Variants in SIMC1 observed in about 807,000 individuals in gnomAD.
The protein encoded by SIMC1 is SUMO-interacting motif-containing protein 1.
SIMC1 carries 55 observed loss-of-function variants against 82.3 expected under a neutral mutation model. The ratio of observed to expected loss-of-function variants is 0.67; its 90% CI spans 0.54 to 0.84. The LOEUF is 0.84. SIMC1 is among the 40% of genes least tolerant of loss of function. The pLI, the probability that SIMC1 is intolerant of heterozygous loss-of-function variation, is 0.00. For synonymous variants in SIMC1, 353 were observed against 426.3 expected, an observed-to-expected ratio of 0.83 and a Z score of 2.12; for missense variants, 915 against 1,107.2, an observed-to-expected ratio of 0.83 and a Z score of 2.46.
intron 5 of SIMC1, among the ~76,000 whole-genome samples, chr5:176,316,670 C>G (rs1390950128): frequency 6.6e-6 from 1 of 151,408 alleles, no homozygotes; most frequent in Non-Finnish European, 1.5e-5. Context: ...GCCTGGGCAA[C>G]AAGAGGGAAA....
In SIMC1 at chr5:176,345,524, A is replaced by G; in HGVS notation, c.*79A>G. 6.7e-7 allele frequency: 1 copy of G among 1,490,136 alleles called. No homozygotes were observed. The highest frequency in any genetic ancestry group is 1.4e-5 in the African/African-American group (1 of 71,194). The allele number at this position is 1,490,136 out of a possible 1,614,324, so 92.3% of individuals were successfully genotyped here. Reference sequence around the variant, plus strand: ...GCTCAGAAGCTCTAAAAGCATGAAAAGTGGTTAAAATCTTACAGGACCAAA... The same window carrying G: ...GCTCAGAAGCTCTAAAAGCATGAAAGGTGGTTAAAATCTTACAGGACCAAA... On this transcript the variant is annotated 3_prime_UTR_variant, in exon 10 of 10. Transcript: ENST00000429602.
At chr5:176,273,537 G>A (rs1762540680) in intron 1 of SIMC1, among the ~76,000 whole-genome samples, 1 of 152,080 alleles carries the variant, frequency 6.6e-6, no homozygotes. Flanking sequence ...AAGTTTTAGG[G>A]TACATGTGCA....
At chr5:176,285,191 G>C (rs1763212245) in intron 1 of SIMC1, among the ~76,000 whole-genome samples, 1 of 152,086 alleles carries the variant, frequency 6.6e-6, no homozygotes, top group East Asian at 1.9e-4. Context: ...CCAAAAAAGA[G>C]AATTTTAGAC....
chr5:176,337,169 T>C, intron 9 of SIMC1, 23 bp downstream of exon 9: 1 of 1,593,758 alleles, frequency 6.3e-7, no homozygotes, highest in Non-Finnish European at 8.6e-7. Context: ...TGTTCACAAG[T>C]GGAGTAGTGG....
chr5:176,338,523 GTCCATA>G (rs1185600674), intron 9 of SIMC1, among the ~76,000 whole-genome samples: 2 of 152,110 alleles, frequency 1.3e-5, no homozygotes, highest in African/African-American at 2.4e-5. Context: ...ACATTATTGT[GTCCATA>G]TTAAATTCCC....
At chr5:176,280,939 G>T (rs1762977475) in intron 1 of SIMC1, among the ~76,000 whole-genome samples, 1 of 152,106 alleles carries the variant, frequency 6.6e-6, no homozygotes, top group South Asian at 2.1e-4. Context: ...GAGTATCTTT[G>T]TGGCGTTCTC....
At chr5:176,313,165 G>A in intron 4 of SIMC1, 1 of 645,298 alleles carries the variant, frequency 1.5e-6, no homozygotes, top group Non-Finnish European at 2.1e-6. Flanking sequence ...GGCTCAATCA[G>A]CTCGCATGAC....
rs370632731 is a variant in SIMC1, at chr5:176,274,761, G to A, written c.130-14893G>A. 2.4e-4 allele frequency among the ~76,000 whole-genome samples: 36 copies of A among 151,918 alleles called. No homozygotes were observed. In the East Asian group the frequency reaches 4.2e-3, roughly 18 times the overall value. On this transcript the variant is annotated intron_variant, in intron 1 of 9. Coordinates refer to ENST00000429602, the MANE Select transcript of SIMC1 (RefSeq NM_001308195.2). ...TTCCCAGCACCATTTATTAACTAGG[G>A]AATCCTTTCCCCATTGCTTTTTTTT...
intron 1 of SIMC1, among the ~76,000 whole-genome samples, chr5:176,282,603 A>G (rs2113228109): frequency 6.6e-6 from 1 of 152,334 alleles, no homozygotes; most frequent in Non-Finnish European, 1.5e-5. Context: ...TGAAAATTCT[A>G]AAAGTCAGAG....
intron 7 of SIMC1, among the ~76,000 whole-genome samples, chr5:176,326,697 T>G (rs1343329825): frequency 6.6e-6 from 1 of 152,156 alleles, no homozygotes; most frequent in Non-Finnish European, 1.5e-5. Flanking sequence ...CCTGAGTGGC[T>G]GGGATTACAG....
chr5:176,250,699 C>G (rs1289560277), intron 1 of SIMC1, among the ~76,000 whole-genome samples: 1 of 152,118 alleles, frequency 6.6e-6, no homozygotes, highest in Non-Finnish European at 1.5e-5. Context: ...TGCATTAATC[C>G]CTTTACCATT....
At chr5:176,260,405 T>C (rs1319555902) in intron 1 of SIMC1, among the ~76,000 whole-genome samples, 1 of 152,086 alleles carries the variant, frequency 6.6e-6, no homozygotes, top group African/African-American at 2.4e-5. Context: ...AAATCACCAC[T>C]AAAGAACTTA....
chr5:176,335,175 A>G (rs1008164464), intron 7 of SIMC1, among the ~76,000 whole-genome samples: 3 of 150,914 alleles, frequency 2.0e-5, no homozygotes, highest in African/African-American at 7.3e-5. Flanking sequence ...GTTGTTTTCT[A>G]TATTTCCTCT....
chr5:176,254,191 G>A (rs1761778991), intron 1 of SIMC1, among the ~76,000 whole-genome samples: 1 of 152,194 alleles, frequency 6.6e-6, no homozygotes, highest in South Asian at 2.1e-4. Context: ...ATGGACTAAA[G>A]GATCCCTTAA....
intron 1 of SIMC1, among the ~76,000 whole-genome samples, chr5:176,283,042 G>C (rs553026228): frequency 6.6e-6 from 1 of 152,216 alleles, no homozygotes; most frequent in Non-Finnish European, 1.5e-5. Context: ...CCAAATCTGC[G>C]TCTCATTGGT....
chr5:176,343,244 A>G (rs566211651), intron 9 of SIMC1, among the ~76,000 whole-genome samples: 33 of 152,338 alleles, frequency 2.2e-4, no homozygotes, highest in African/African-American at 7.5e-4. Context: ...TCTGTGTCCT[A>G]AATCTGGATA....
intron 4 of SIMC1, chr5:176,308,798 T>C: frequency 8.0e-7 from 1 of 1,257,650 alleles, no homozygotes; most frequent in South Asian, 1.2e-5. Flanking sequence ...AGGAGCAGGA[T>C]GCATATTGGA....
intron 7 of SIMC1, among the ~76,000 whole-genome samples, chr5:176,326,948 G>A (rs1482474704): frequency 1.3e-5 from 2 of 152,208 alleles, no homozygotes; most frequent in African/African-American, 2.4e-5. Flanking sequence ...ATCAGGTTCA[G>A]AATCCAAATT....
intron 4 of SIMC1, among the ~76,000 whole-genome samples, chr5:176,306,546 G>C (rs1358146053): frequency 3.4e-4 from 51 of 150,414 alleles, no homozygotes; most frequent in East Asian, 1.2e-3. Flanking sequence ...ACATGGGAGA[G>C]TTTTCATTTT....
Sources: allele counts gnomAD v4.1 joint callset (sites outside exome capture counted in the v4.1 genomes callset), GRCh38; gene constraint gnomAD v4.1.1; transcripts MANE v1.5; gene names NCBI Gene and HGNC (gene_info 2026-07-23, HGNC 2026-07-21).